Variants in LRCH4 observed in about 807,000 individuals in gnomAD.
LRCH4 encodes the protein leucine-rich repeat and calponin homology domain-containing protein 4.
In LRCH4, 56 loss-of-function variants were observed where a neutral mutation model predicts 81.2. The observed-to-expected ratio is 0.69, with a 90% CI of 0.56 to 0.86. The LOEUF is 0.86. Among genes scored for constraint, LRCH4 ranks in the 40% least tolerant of loss-of-function variants. LRCH4 has a pLI of 0.00. For synonymous variants in LRCH4, 442 were observed against 409.7 expected (o/e 1.08, Z -0.95); for missense variants, 895 against 922.8 (o/e 0.97, Z 0.39).
chr7:100,576,374 CTG>C (rs755989008), intron 14 of LRCH4, 51 bp from the exon 15 acceptor site: 1 of 1,371,070 alleles, frequency 7.3e-7, no homozygotes, highest in Non-Finnish European at 1.0e-6. Context: ...ACCACTGACT[CTG>C]TAGCTGGGTC....
In LRCH4 at chr7:100,578,675, T is replaced by A; in HGVS notation, c.710A>T (p.Asn237Ile). 1.9e-6 allele frequency: 3 copies of A among 1,613,986 alleles called. No individual in the cohort carries two copies. The highest frequency in any genetic ancestry group is 2.5e-6 in the Non-Finnish European group (3 of 1,179,966). ...RHLQVILLDS[N>I]PLQSPPAQVC... Reference sequence around the variant, plus strand: ...CTGGGCAGGTGGACTCTGCAGAGGGTTGCTGTCCAGCAGAATGACCTGCAG... The same window carrying A: ...CTGGGCAGGTGGACTCTGCAGAGGGATGCTGTCCAGCAGAATGACCTGCAG... The change falls in exon 5 of 18, where the codon AAC becomes ATC. Residue 237 changes from asparagine to isoleucine, a missense_variant. Asn to Ile is a moderately radical substitution (Grantham distance 149). Around this residue, in one of 3 missense-constraint regions of LRCH4, gnomAD observed 360 missense variants for 397.0 expected, o/e 0.91. Coordinates refer to ENST00000310300, the MANE Select transcript of LRCH4 (RefSeq NM_002319.5). This position sits in a 1 kb window ranked among gnomAD's most constrained non-coding sequence, Gnocchi z 5.7.
rs1474460131 is a variant in LRCH4 at position 100,581,873 on chromosome 7, T to G, written c.502A>C (p.Ser168Arg). 1 of 1,614,158 alleles carries G rather than the reference T, an allele frequency of 6.2e-7. No homozygotes were observed. The change falls in exon 4 of 18, where the codon AGC becomes CGC. Residue 168 changes from serine (S) to arginine (R), a missense_variant. Transcript: ENST00000310300. ...GAGGGCAGGGATTGGAGCTCGTTGCTGCTCACGTCCTGGTATCAGGAAGGC... is the reference window on the plus strand; with the variant it reads ...GAGGGCAGGGATTGGAGCTCGTTGCGGCTCACGTCCTGGTATCAGGAAGGC... Reference protein sequence around the residue: ...LGSLRQLDVSSNELQSLPSEL... With the variant: ...LGSLRQLDVSRNELQSLPSEL...
rs1288848011 is a variant in LRCH4, at chr7:100,574,808, G to GA, written c.*298dup. On this transcript the variant is annotated 3_prime_UTR_variant, in exon 18 of 18. Coordinates refer to ENST00000310300, the MANE Select transcript of LRCH4 (RefSeq NM_002319.5). ...AAGGGGAGGGCACAGGAGGAAGGGG[G>GA]AGACTCCAGCTCCTGCCACCCCTCA... is the stretch of plus-strand genomic sequence containing the variant. The GA allele has an allele frequency of 1.2e-5, 4 of 340,714 alleles. No individual in the cohort carries two copies. Among genetic ancestry groups the GA allele is most frequent in the Non-Finnish European group, 2.2e-5 (4 of 185,054 alleles). 21.1% of individuals were successfully genotyped at this position (340,714 alleles called of 1,614,324 possible). A position where few individuals can be genotyped will look rare whatever the true frequency, so the allele number is the denominator to read the frequency against.
chr7:100,578,630 C>T lies in LRCH4; in HGVS notation c.735+20G>A. 1 of 1,610,630 alleles carries T rather than the reference C, an allele frequency of 6.2e-7. No homozygotes were observed. The highest frequency in any genetic ancestry group is 8.5e-7 in the Non-Finnish European group (1 of 1,177,830). ...CTAGCCACACCCCTGTCCTCGTGGCCCCCCAGGCACCCGCCTCACCTGGGC... is the reference window on the plus strand; with the variant it reads ...CTAGCCACACCCCTGTCCTCGTGGCTCCCCAGGCACCCGCCTCACCTGGGC... On this transcript the variant is annotated intron_variant, in intron 5 of 17. Coordinates refer to ENST00000310300, the MANE Select transcript of LRCH4 (RefSeq NM_002319.5). This position sits in a 1 kb window ranked among gnomAD's most constrained non-coding sequence, Gnocchi z 5.7.
At position 100,575,918 on chromosome 7, in the gene LRCH4, G is replaced by T. The variant is rs953096811; in HGVS notation, c.1729C>A (p.Leu577Ile). 4 of 1,612,466 alleles carry T rather than the reference G, an allele frequency of 2.5e-6. No homozygotes were observed. Among genetic ancestry groups the T allele is most frequent in the African/African-American group, 2.7e-5 (2 of 74,934 alleles). Residue 577 changes from leucine to isoleucine, a missense_variant, in exon 16 of 18, where the codon CTA becomes ATA. Leu to Ile is a conservative substitution (Grantham distance 5). Around this residue, in one of 3 missense-constraint regions of LRCH4, gnomAD observed 529 missense variants for 504.9 expected, o/e 1.05. Coordinates refer to ENST00000310300, the MANE Select transcript of LRCH4 (RefSeq NM_002319.5). This position sits in a 1 kb window ranked among gnomAD's most constrained non-coding sequence, Gnocchi z 5.3. ...ATGAAGGGCACGGAGCGCGGCCGTAGCTGGTTGGCCAGCTGGCACAGGATG... is the reference window on the plus strand; with the variant it reads ...ATGAAGGGCACGGAGCGCGGCCGTATCTGGTTGGCCAGCTGGCACAGGATG... The part of the protein sequence containing the change: ...GVILCQLANQ[L>I]RPRSVPFIHV...
Position 100,578,910 on chromosome 7 carries a change from G to A in LRCH4, c.599-124C>T. The A allele has an allele frequency of 9.7e-7, 1 of 1,027,424 alleles. No homozygotes were observed. The highest frequency in any genetic ancestry group is 1.4e-6 in the Non-Finnish European group (1 of 708,258). 63.6% of individuals were successfully genotyped at this position (1,027,424 alleles called of 1,614,324 possible). On this transcript the variant is annotated intron_variant, in intron 4 of 17. Transcript: ENST00000310300. This position sits in a 1 kb window ranked among gnomAD's most constrained non-coding sequence, Gnocchi z 5.7. ...GCCCAGCACAGCCTCTCCCCTGGGT[G>A]GCTCAAGTCATTCCCCGGGAGAAAC...
chr7:100,580,989 C>T (rs1414355165), intron 4 of LRCH4: 1 of 152,320 alleles, frequency 6.6e-6, no homozygotes, highest in Non-Finnish European at 1.5e-5. Context: ...CAGAGGCTAT[C>T]AGTGCATCAC....
chr7:100,576,715 A>T lies in LRCH4; in HGVS notation c.1531T>A (p.Ser511Thr). 1 of 1,595,608 alleles carries T rather than the reference A, an allele frequency of 6.3e-7. No homozygotes were observed. Among genetic ancestry groups the T allele is most frequent in the Non-Finnish European group, 8.5e-7 (1 of 1,171,142 alleles). Residue 511 changes from serine (S) to threonine (T), a missense_variant, in exon 14 of 18, where the codon TCC (serine) becomes ACC (threonine). Transcript: ENST00000310300. ...CCACCTGAGCCACTCTGAGAGGAGG[A>T]ACGGAAGAGGAAGCTGTTTGGTCTC... ...IQRPNSFLFRSSSQSGSGPSS... is the reference protein window; with the variant it reads ...IQRPNSFLFRTSSQSGSGPSS...
At position 100,585,871 on chromosome 7, in the gene LRCH4, C is replaced by G; in HGVS notation, c.220+10G>C. On this transcript the variant is annotated intron_variant, in intron 1 of 17. Transcript: ENST00000310300. Reference sequence around the variant, plus strand: ...GGACCCGGTTGGGCCCGGGGCCCGGCTGCACTCACCAGCCTGGGTGATGTC... The same window carrying G: ...GGACCCGGTTGGGCCCGGGGCCCGGGTGCACTCACCAGCCTGGGTGATGTC... 6.3e-7 allele frequency: 1 copy of G among 1,587,416 alleles called. No homozygotes were observed.
chr7:100,581,637 G>T, intron 4 of LRCH4, 140 bp downstream of exon 4: 1 of 704,120 alleles, frequency 1.4e-6, no homozygotes, highest in Non-Finnish European at 2.4e-6. Context: ...CCCAGATCCT[G>T]AACTTCAGCT....
At position 100,577,915 on chromosome 7, in the gene LRCH4, G is replaced by A. The variant is rs2131173536; in HGVS notation, c.949-3C>T. ...AGCTCTGAAAATTCATCTGTTGACT[G>A]TAAAGGCAGAGGCAGAGATGGGAGA... is the stretch of plus-strand genomic sequence containing the variant. On this transcript the variant is annotated splice_polypyrimidine_tract_variant and splice_region_variant and intron_variant, in intron 7 of 17. Transcript: ENST00000310300. The surrounding 1 kb of genome is among the most constrained non-coding windows in gnomAD (Gnocchi z 6.7). 1 of 1,613,356 alleles carries A rather than the reference G, an allele frequency of 6.2e-7. No individual in the cohort carries two copies. Among genetic ancestry groups the A allele is most frequent in the Non-Finnish European group, 8.5e-7 (1 of 1,179,362 alleles).
At position 100,577,239 on chromosome 7, in the gene LRCH4, T is replaced by G; in HGVS notation, c.1295+34A>C. Reference sequence around the variant, plus strand: ...GTGGCCCCATTTCCAGGGCTCAGTGTCCAGCAACAGCCCCGGGCGGCCCTG... The same window carrying G: ...GTGGCCCCATTTCCAGGGCTCAGTGGCCAGCAACAGCCCCGGGCGGCCCTG... On this transcript the variant is annotated intron_variant, in intron 11 of 17. Transcript: ENST00000310300. The surrounding 1 kb of genome is among the most constrained non-coding windows in gnomAD (Gnocchi z 6.7). The G allele has an allele frequency of 1.2e-6, 2 of 1,605,848 alleles. No homozygotes were observed. The highest frequency in any genetic ancestry group is 2.2e-5 in the South Asian group (2 of 90,886).
At position 100,577,709 on chromosome 7, in the gene LRCH4, G is replaced by A. The variant is rs372168404; in HGVS notation, c.1071C>T (p.Ile357=). The A allele has an allele frequency of 1.7e-5, 27 of 1,613,930 alleles. No homozygotes were observed. Among genetic ancestry groups the A allele is most frequent in the Middle Eastern group, 1.6e-4 (1 of 6,084 alleles). Residue 357 remains isoleucine (I), a synonymous_variant, in exon 9 of 18, where the codon ATC becomes ATT. Coordinates refer to ENST00000310300, the MANE Select transcript of LRCH4 (RefSeq NM_002319.5). The surrounding 1 kb of genome is among the most constrained non-coding windows in gnomAD (Gnocchi z 6.7). Reference sequence around the variant, plus strand: ...CATCCTCCCCGGGGACATGGCTGTCGATGAAGTCAATCTGCACAGGGTCTC... The same window carrying A: ...CATCCTCCCCGGGGACATGGCTGTCAATGAAGTCAATCTGCACAGGGTCTC... The part of the protein sequence containing the change: ...ADGDPVQIDF[I]DSHVPGEDEE...
Position 100,574,816 on chromosome 7 carries a change from A to G in LRCH4, c.*291T>C. 1 of 351,084 alleles carries G rather than the reference A, an allele frequency of 2.8e-6. No homozygotes were observed. The highest frequency in any genetic ancestry group is 5.2e-6 in the Non-Finnish European group (1 of 191,456). The allele number at this position is 351,084 out of a possible 1,614,324, so 21.7% of individuals were successfully genotyped here. A position where few individuals can be genotyped will look rare whatever the true frequency, so the allele number is the denominator to read the frequency against. On this transcript the variant is annotated 3_prime_UTR_variant, in exon 18 of 18. Transcript: ENST00000310300. ...GGCACAGGAGGAAGGGGGAGACTCC[A>G]GCTCCTGCCACCCCTCACGGGGTAC...
At position 100,577,796 on chromosome 7, in the gene LRCH4, A is replaced by C; in HGVS notation, c.1039+26T>G. The C allele has an allele frequency of 6.2e-7, 1 of 1,613,822 alleles. No homozygotes were observed. Among genetic ancestry groups the C allele is most frequent in the Non-Finnish European group, 8.5e-7 (1 of 1,179,786 alleles). On this transcript the variant is annotated intron_variant, in intron 8 of 17. Coordinates refer to ENST00000310300, the MANE Select transcript of LRCH4 (RefSeq NM_002319.5). The surrounding 1 kb of genome is among the most constrained non-coding windows in gnomAD (Gnocchi z 6.7). ...GGGGACCCAGGCCCTGGTCCAGCCCAGCTCCCGGCCAGCCCTGCTACTCAC... is the reference window on the plus strand; with the variant it reads ...GGGGACCCAGGCCCTGGTCCAGCCCCGCTCCCGGCCAGCCCTGCTACTCAC...
chr7:100,577,041 G>A lies in LRCH4; in HGVS notation c.1365-36C>T. Reference sequence around the variant, plus strand: ...ACAGAAGGGAATTAGAGGGATGATGGTCATAGGAAGAGGAGTGGGGAGGGG... The same window carrying A: ...ACAGAAGGGAATTAGAGGGATGATGATCATAGGAAGAGGAGTGGGGAGGGG... On this transcript the variant is annotated intron_variant, in intron 12 of 17. Coordinates refer to ENST00000310300, the MANE Select transcript of LRCH4 (RefSeq NM_002319.5). The surrounding 1 kb of genome is among the most constrained non-coding windows in gnomAD (Gnocchi z 6.7). 1.2e-6 allele frequency: 2 copies of A among 1,613,974 alleles called. No individual in the cohort carries two copies. Among genetic ancestry groups the A allele is most frequent in the African/African-American group, 1.3e-5 (1 of 75,040 alleles).
At position 100,578,817 on chromosome 7, in the gene LRCH4, A is replaced by T; in HGVS notation, c.599-31T>A. 6.2e-7 allele frequency: 1 copy of T among 1,608,010 alleles called. No homozygotes were observed. The highest frequency in any genetic ancestry group is 8.5e-7 in the Non-Finnish European group (1 of 1,177,526). ...ACAGGTGGGCAAGGGAAAAGTCAGG[A>T]ACATGCTCAGGGCTGTGGCCTCGTG... On this transcript the variant is annotated intron_variant, in intron 4 of 17. Coordinates refer to ENST00000310300, the MANE Select transcript of LRCH4 (RefSeq NM_002319.5). This position sits in a 1 kb window ranked among gnomAD's most constrained non-coding sequence, Gnocchi z 5.7.
Position 100,577,037 on chromosome 7 carries a change from G to A in LRCH4, c.1365-32C>T. The A allele has an allele frequency of 1.2e-6, 2 of 1,613,952 alleles. No individual in the cohort carries two copies. Among genetic ancestry groups the A allele is most frequent in the African/African-American group, 1.3e-5 (1 of 75,052 alleles). On this transcript the variant is annotated intron_variant, in intron 12 of 17. Transcript: ENST00000310300. The surrounding 1 kb of genome is among the most constrained non-coding windows in gnomAD (Gnocchi z 6.7). ...AGAGACAGAAGGGAATTAGAGGGAT[G>A]ATGGTCATAGGAAGAGGAGTGGGGA...
chr7:100,581,967 C>T, intron 3 of LRCH4, 74 bp downstream of exon 3: 1 of 1,604,096 alleles, frequency 6.2e-7, no homozygotes, highest in Non-Finnish European at 8.5e-7. Context: ...GCTCCAGGCC[C>T]TCCCCAACCT....
Sources: gnomAD v4.1 joint callset for allele counts on GRCh38, gnomAD v4.1.1 for gene constraint, gnomAD v4.1.1 regional missense constraint, Gnocchi (gnomAD v3.1) non-coding constraint, MANE v1.5 for transcripts, NCBI Gene and HGNC (gene_info 2026-07-23, HGNC 2026-07-21) for gene names.